The following SHOC1 variants were observed in gnomAD, a reference collection of about 807,000 sequenced individuals.
SHOC1 encodes protein shortage in chiasmata 1 ortholog.
SHOC1 carries 136 observed loss-of-function variants against 179.2 expected under a neutral mutation model. That is an observed-to-expected ratio of 0.76 (90% CI 0.66 to 0.87). SHOC1 has a LOEUF of 0.87. Ranked by LOEUF, SHOC1 falls within the 40% of genes least tolerant of loss-of-function variation. The pLI, the probability that SHOC1 is intolerant of heterozygous loss-of-function variation, is 0.00. For missense variants in SHOC1, 1,538 were observed against 1,700.8 expected (o/e 0.90, Z 1.68); for synonymous variants, 489 against 586.6 (o/e 0.83, Z 2.41).
intron 18 of SHOC1, among the ~76,000 whole-genome samples, chr9:111,710,190 C>G (rs1361793575): frequency 1.3e-5 from 2 of 152,094 alleles, no homozygotes; most frequent in Non-Finnish European, 2.9e-5. Flanking sequence ...CATTTTGGTA[C>G]TAGTAAGGAT....
rs1042373592 is a variant in SHOC1, at chr9:111,754,904, TA to T, written c.862+1420del. ...AATGTTCAGAGTAGGCAAATCTATA[TA>T]GTTTTACTTACACTTTGAGCATGGG... On this transcript the variant is annotated intron_variant, in intron 8 of 27. Coordinates refer to ENST00000682961, the MANE Select transcript of SHOC1 (RefSeq NM_001378211.1). 3.3e-5 allele frequency among the ~76,000 whole-genome samples: 5 copies of T among 152,336 alleles called. No homozygotes were observed. The East Asian group carries it at 5.8e-4, about 18-fold the overall frequency.
rs531904263 is a variant in SHOC1 at position 111,703,112 on chromosome 9, AAAAC to A, written c.2967+765_2967+768del. On this transcript the variant is annotated intron_variant, in intron 22 of 27. Coordinates refer to ENST00000682961, the MANE Select transcript of SHOC1 (RefSeq NM_001378211.1). ...GCAATGGTGTGAGACCCTATCTCTAAAAACAAACAAACAAACAAACAGTTGTGCC... is the reference window on the plus strand; with the variant it reads ...GCAATGGTGTGAGACCCTATCTCTAAAAACAAACAAACAAACAGTTGTGCC... 7.2e-5 allele frequency among the ~76,000 whole-genome samples: 11 copies of A among 152,252 alleles called. No homozygotes were observed. In the South Asian group the frequency reaches 8.3e-4, roughly 11 times the overall value.
intron 5 of SHOC1, among the ~76,000 whole-genome samples, chr9:111,768,130 A>AT: frequency 6.6e-6 from 1 of 151,364 alleles, no homozygotes; most frequent in Middle Eastern, 3.4e-3. Context: ...GGTATTTTAT[A>AT]TTTTTTGTAG....
intron 3 of SHOC1, chr9:111,781,249 T>C (rs1245271169): frequency 2.3e-6 from 1 of 426,622 alleles, no homozygotes; most frequent in Non-Finnish European, 4.2e-6. Context: ...CATATCACCC[T>C]CATTTTATAG....
At chr9:111,687,861 G>T (rs1482609063) in intron 27 of SHOC1, among the ~76,000 whole-genome samples, 4 of 151,738 alleles carry the variant, frequency 2.6e-5, no homozygotes, top group Non-Finnish European at 5.9e-5. Flanking sequence ...CCTTTAGGGG[G>T]ATATCATTTT....
chr9:111,781,579 C>T (rs547773787), intron 3 of SHOC1, among the ~76,000 whole-genome samples: 10 of 152,032 alleles, frequency 6.6e-5, no homozygotes, highest in African/African-American at 2.2e-4. Flanking sequence ...AAAAATTAGC[C>T]GGGCATGGTA....
intron 26 of SHOC1, 99 bp downstream of exon 26, chr9:111,693,700 A>T: frequency 2.7e-6 from 2 of 737,818 alleles, no homozygotes; most frequent in Non-Finnish European, 2.0e-6. Flanking sequence ...AAAACAATTA[A>T]ACTTGGATAC....
intron 12 of SHOC1, among the ~76,000 whole-genome samples, chr9:111,736,872 A>G (rs1052568982): frequency 6.6e-6 from 1 of 152,180 alleles, no homozygotes; most frequent in African/African-American, 2.4e-5. Context: ...TGAACAAGCA[A>G]AAAACCACCC....
At chr9:111,728,942 A>G (rs1040286829) in intron 12 of SHOC1, among the ~76,000 whole-genome samples, 8 of 152,224 alleles carry the variant, frequency 5.3e-5, no homozygotes, top group African/African-American at 1.9e-4. Flanking sequence ...ATTTCCCAGT[A>G]CAAATGTAAA....
At chr9:111,758,898 T>C in intron 5 of SHOC1, 50 bp from the exon 6 acceptor site, 1 of 1,102,904 alleles carries the variant, frequency 9.1e-7, no homozygotes, top group Non-Finnish European at 1.3e-6. Flanking sequence ...CAAAAAGTTA[T>C]CCAAAGAGAT....
In SHOC1 at chr9:111,780,989, T is replaced by C. The variant is rs1226853863; in HGVS notation, c.198A>G (p.Thr66=). The change falls in exon 4 of 28, where the codon ACA becomes ACG. Residue 66 remains threonine (T), a synonymous_variant. Transcript: ENST00000682961. ...TCCATTGGTCCAAGACTGAGGTATC[T>C]GTCATTCCCGGAACTGAAACAGCTG... is the stretch of plus-strand genomic sequence containing the variant. The part of the protein sequence containing the change: ...RVSAVSVPGM[T]DTSVLDQWKA... 7 of 1,613,364 alleles carry C rather than the reference T, an allele frequency of 4.3e-6. No homozygotes were observed. The highest frequency in any genetic ancestry group is 1.1e-5 in the South Asian group (1 of 90,986).
intron 7 of SHOC1, among the ~76,000 whole-genome samples, chr9:111,756,830 G>A (rs952254708): frequency 1.3e-5 from 2 of 152,150 alleles, no homozygotes; most frequent in African/African-American, 4.8e-5. Context: ...ATGGTGAGAA[G>A]TGAAATGAGA....
At chr9:111,707,040 A>G (rs1832310851) in intron 19 of SHOC1, among the ~76,000 whole-genome samples, 1 of 152,102 alleles carries the variant, frequency 6.6e-6, no homozygotes, top group Non-Finnish European at 1.5e-5. Flanking sequence ...AATAAGAGAA[A>G]TCAGCATGAA....
At chr9:111,692,758 C>T (rs1589370617) in intron 26 of SHOC1, among the ~76,000 whole-genome samples, 1 of 152,042 alleles carries the variant, frequency 6.6e-6, no homozygotes, top group African/African-American at 2.4e-5. Flanking sequence ...TTTAGGCTCA[C>T]AGCAAATACA....
chr9:111,693,421 CAAAAAAAAAA>C (rs59200447), intron 26 of SHOC1, among the ~76,000 whole-genome samples: 3 of 85,832 alleles, frequency 3.5e-5, no homozygotes, highest in African/African-American at 1.2e-4. Context: ...CCCGTTTCTA[CAAAAAAAAAA>C]AAAAAAAAAA....
At chr9:111,701,294 A>G (rs1589380406) in intron 23 of SHOC1, among the ~76,000 whole-genome samples, 1 of 152,320 alleles carries the variant, frequency 6.6e-6, no homozygotes, top group East Asian at 1.9e-4. Context: ...CTCTAAAAAT[A>G]TGAATCTGAG....
chr9:111,735,928 A>G (rs1176188001), intron 12 of SHOC1, among the ~76,000 whole-genome samples: 1 of 152,038 alleles, frequency 6.6e-6, no homozygotes, highest in African/African-American at 2.4e-5. Flanking sequence ...TCTTTATCCA[A>G]TCCACGTTAA....
intron 24 of SHOC1, among the ~76,000 whole-genome samples, chr9:111,695,503 C>G (rs1831648621): frequency 6.6e-6 from 1 of 151,784 alleles, no homozygotes; most frequent in South Asian, 2.1e-4. Flanking sequence ...AACCCTTTTC[C>G]CATTTAGAAA....
In SHOC1 at chr9:111,727,896, G is replaced by T. The variant is rs1331367091; in HGVS notation, c.1571C>A (p.Ala524Glu). 2 of 1,612,964 alleles carry T rather than the reference G, an allele frequency of 1.2e-6. No individual in the cohort carries two copies. Among genetic ancestry groups the T allele is most frequent in the East Asian group, 2.2e-5 (1 of 44,758 alleles). Reference protein sequence around the residue: ...FSDDYFSDKGAAKEEKPKNDQ... With the variant: ...FSDDYFSDKGEAKEEKPKNDQ... The stretch of plus-strand genomic sequence containing the variant: ...ATTCTTTGGTTTTTCTTCTTTTGCT[G>T]CTCCTTTATCAGAGAAATAGTCATC... Residue 524 changes from alanine to glutamate, a missense_variant, in exon 13 of 28, where the codon GCA becomes GAA. Transcript: ENST00000682961.
Sources: allele counts gnomAD v4.1 joint callset (sites outside exome capture counted in the v4.1 genomes callset), GRCh38; gene constraint gnomAD v4.1.1; transcripts MANE v1.5; gene names NCBI Gene and HGNC (gene_info 2026-07-23, HGNC 2026-07-21).